CFAP44: variants seen among roughly 807,000 people sequenced by gnomAD.
The protein encoded by CFAP44 is cilia- and flagella-associated protein 44.
A neutral mutation model predicts 216.2 loss-of-function variants in CFAP44; 134 were observed. The observed-to-expected ratio is 0.62, with a 90% CI of 0.54 to 0.72. The LOEUF is 0.72. Among genes scored for constraint, CFAP44 ranks in the 30% least tolerant of loss-of-function variants. The pLI, the probability that CFAP44 is intolerant of heterozygous loss-of-function variation, is 0.00. For synonymous variants in CFAP44, 700 were observed against 727.6 expected (o/e 0.96, Z 0.61); for missense variants, 2,035 against 2,182.1 (o/e 0.93, Z 1.34).
chr3:113,289,161 A>G lies in CFAP44; in HGVS notation c.*2396T>C, dbSNP rs1165886240. On this transcript the variant is annotated 3_prime_UTR_variant, in exon 35 of 35. Coordinates refer to ENST00000393845, the MANE Select transcript of CFAP44 (RefSeq NM_001164496.2). ...ATGCTCTAACTTAACTACAGATTTAAGACTAAGCCTGGAATCAAGTTGAAA... is the reference window on the plus strand; with the variant it reads ...ATGCTCTAACTTAACTACAGATTTAGGACTAAGCCTGGAATCAAGTTGAAA... The G allele has an allele frequency of 1.3e-5, 2 of 152,238 alleles. No individual in the cohort carries two copies. Among genetic ancestry groups the G allele is most frequent in the East Asian group, 3.8e-4 (2 of 5,200 alleles). 9.4% of individuals were successfully genotyped at this position (152,238 alleles called of 1,614,324 possible).
chr3:113,356,602 G>A (rs1314125963), intron 22 of CFAP44, among the ~76,000 whole-genome samples: 1 of 152,004 alleles, frequency 6.6e-6, no homozygotes, highest in Non-Finnish European at 1.5e-5. Context: ...GGAACAGATG[G>A]TCTTTTCAAC....
intron 32 of CFAP44, among the ~76,000 whole-genome samples, chr3:113,302,474 A>AAAAT (rs1371478637): frequency 6.8e-6 from 1 of 146,552 alleles, no homozygotes. Flanking sequence ...AAAAAAAAAA[A>AAAAT]AAAAAAGATA....
intron 23 of CFAP44, among the ~76,000 whole-genome samples, chr3:113,342,577 G>C (rs1375864545): frequency 6.6e-6 from 1 of 151,558 alleles, no homozygotes; most frequent in Non-Finnish European, 1.5e-5. Context: ...TGGGGAAAAG[G>C]AGAAAAATCG....
chr3:113,351,257 G>T (rs1950442373), intron 22 of CFAP44, among the ~76,000 whole-genome samples: 1 of 152,160 alleles, frequency 6.6e-6, no homozygotes. Flanking sequence ...AGTAAAGTTT[G>T]CTAAAAGTTA....
intron 8 of CFAP44, 150 bp downstream of exon 8, chr3:113,406,777 T>C: frequency 1.8e-6 from 1 of 567,406 alleles, no homozygotes; most frequent in Non-Finnish European, 3.1e-6. Flanking sequence ...TTAATTACAA[T>C]TGATAATTGA....
intron 28 of CFAP44, among the ~76,000 whole-genome samples, chr3:113,310,122 G>A (rs963775282): frequency 6.6e-6 from 1 of 152,126 alleles, no homozygotes; most frequent in Non-Finnish European, 1.5e-5. Flanking sequence ...GGGCAAGCAG[G>A]GAGCCAGTAC....
chr3:113,348,542 ACATC>A (rs1229688841), intron 22 of CFAP44, among the ~76,000 whole-genome samples: 1 of 152,188 alleles, frequency 6.6e-6, no homozygotes, highest in East Asian at 1.9e-4. Context: ...CTTGCAATTT[ACATC>A]CCACAGGAGG....
chr3:113,387,595 T>A (rs1457988619), intron 15 of CFAP44, among the ~76,000 whole-genome samples: 1 of 152,076 alleles, frequency 6.6e-6, no homozygotes, highest in African/African-American at 2.4e-5. Context: ...AAGCTGGTTT[T>A]AAGTATGACC....
intron 22 of CFAP44, among the ~76,000 whole-genome samples, chr3:113,353,991 G>T (rs545403090): frequency 5.9e-5 from 9 of 151,974 alleles, no homozygotes; most frequent in African/African-American, 2.2e-4. Context: ...AGGATATTCT[G>T]CTCAGAAGAG....
At chr3:113,413,238 T>TA in intron 6 of CFAP44, among the ~76,000 whole-genome samples, 1 of 152,290 alleles carries the variant, frequency 6.6e-6, no homozygotes, top group Middle Eastern at 3.4e-3. Flanking sequence ...CTTGTAAACA[T>TA]GTTTAAGTTC....
chr3:113,338,303 G>GAATGAAA (rs149266055), intron 24 of CFAP44, among the ~76,000 whole-genome samples: 12,079 of 135,336 alleles, frequency 0.089, 707 homozygotes, highest in African/African-American at 0.16. Context: ...TCTGTTAAGG[G>GAATGAAA]AATGAAAAGA....
In CFAP44 at chr3:113,358,625, T is replaced by C; in HGVS notation, c.3065+120A>G. On this transcript the variant is annotated intron_variant, in intron 22 of 34. Transcript: ENST00000393845. ...AGTGACAAGAGGATTCCTTGAGATT[T>C]CAAGTCAGTGGGTACTTCCAGAGCC... 2.4e-6 allele frequency: 3 copies of C among 1,275,298 alleles called. No individual in the cohort carries two copies. In the South Asian group the frequency reaches 6.3e-5, roughly 27 times the overall value. The allele number at this position is 1,275,298 out of a possible 1,614,324, so 79.0% of individuals were successfully genotyped here.
At chr3:113,341,624 TA>T (rs1273957275) in intron 24 of CFAP44, 119 bp downstream of exon 24, 3 of 1,165,332 alleles carry the variant, frequency 2.6e-6, no homozygotes, top group Non-Finnish European at 3.4e-6. Context: ...TCTTTGTTTT[TA>T]TTGTTTTCAC....
intron 6 of CFAP44, among the ~76,000 whole-genome samples, chr3:113,414,896 C>G (rs1034746335): frequency 6.6e-6 from 1 of 152,054 alleles, no homozygotes; most frequent in African/African-American, 2.4e-5. Context: ...AGGAAGGAGT[C>G]TCTCCTTTTC....
At chr3:113,429,073 T>A (rs1051724646) in intron 2 of CFAP44, 7 of 152,146 alleles carry the variant, frequency 4.6e-5, no homozygotes, top group Admixed American at 4.6e-4. Flanking sequence ...TAAGAGCTAC[T>A]TTATAAAAAA....
rs1438505947 is a variant in CFAP44, at chr3:113,288,395, AG to A, written c.*3161del. Reference sequence around the variant, plus strand: ...ATTTTAAAAATATTATTTAAAAGGAAGGACTGTAAGGAACAGGTAAATGTTA... The same window carrying A: ...ATTTTAAAAATATTATTTAAAAGGAAGACTGTAAGGAACAGGTAAATGTTA... On this transcript the variant is annotated 3_prime_UTR_variant, in exon 35 of 35. Coordinates refer to ENST00000393845, the MANE Select transcript of CFAP44 (RefSeq NM_001164496.2). 6.6e-6 allele frequency: 1 copy of A among 152,232 alleles called. No homozygotes were observed. Among genetic ancestry groups the A allele is most frequent in the African/African-American group, 2.4e-5 (1 of 41,456 alleles). 9.4% of individuals were successfully genotyped at this position (152,232 alleles called of 1,614,324 possible).
intron 28 of CFAP44, among the ~76,000 whole-genome samples, chr3:113,322,066 G>T (rs1361848612): frequency 6.6e-6 from 1 of 152,154 alleles, no homozygotes; most frequent in African/African-American, 2.4e-5. Context: ...AATAGCCAAT[G>T]CAATCCTAAA....
chr3:113,409,185 A>T lies in CFAP44; in HGVS notation c.811T>A (p.Phe271Ile). The change falls in exon 7 of 35, where the codon TTT (phenylalanine) becomes ATT (isoleucine). Residue 271 changes from phenylalanine (F) to isoleucine (I), a missense_variant. Around this residue, in one of 3 missense-constraint regions of CFAP44, gnomAD observed 1,883 missense variants for 2,023.7 expected, o/e 0.93. Transcript: ENST00000393845. ...EEQPILRTKAFSQEVFKVTFN... is the reference protein window; with the variant it reads ...EEQPILRTKAISQEVFKVTFN... ...GTAACCTTAAAAACTTCCTGAGAAA[A>T]AGCTTTTGTCCTTAGTATGGGTTGT... 6.2e-7 allele frequency: 1 copy of T among 1,614,032 alleles called. No individual in the cohort carries two copies. Among genetic ancestry groups the T allele is most frequent in the Non-Finnish European group, 8.5e-7 (1 of 1,180,020 alleles).
At chr3:113,296,380 T>C (rs897040438) in intron 33 of CFAP44, among the ~76,000 whole-genome samples, 2 of 152,228 alleles carry the variant, frequency 1.3e-5, no homozygotes, top group African/African-American at 2.4e-5. Flanking sequence ...TGATTAGTGA[T>C]GCTGAGCATT....
Sources: gnomAD v4.1 joint callset for allele counts (sites outside exome capture counted in the v4.1 genomes callset) on GRCh38, gnomAD v4.1.1 for gene constraint, gnomAD v4.1.1 regional missense constraint, MANE v1.5 for transcripts, NCBI Gene and HGNC (gene_info 2026-07-23, HGNC 2026-07-21) for gene names.